Variants in NIBAN1 observed in about 807,000 individuals in gnomAD.
The protein encoded by NIBAN1 is protein Niban 1.
In NIBAN1, 81 loss-of-function variants were observed where a neutral mutation model predicts 75.1. The observed-to-expected ratio is 1.08, with a 90% CI of 0.90 to 1.30. NIBAN1 has a LOEUF of 1.30. NIBAN1 is among the 50% of genes most tolerant of loss of function. The probability of loss-of-function intolerance (pLI) is 0.00; values close to 1 mark genes in which losing one functional copy is unlikely to be tolerated. For missense variants in NIBAN1, 1,133 were observed against 1,128.1 expected (o/e 1.00, Z -0.06); for synonymous variants, 436 against 424.8 (o/e 1.03, Z -0.32).
At chr1:184,891,144 A>G (rs1656657206) in intron 3 of NIBAN1, among the ~76,000 whole-genome samples, 1 of 152,046 alleles carries the variant, frequency 6.6e-6, no homozygotes, top group Non-Finnish European at 1.5e-5. Flanking sequence ...AATGAAACAA[A>G]CTCTCAGATA....
chr1:184,934,860 A>C (rs1657914165), intron 1 of NIBAN1, among the ~76,000 whole-genome samples: 1 of 152,044 alleles, frequency 6.6e-6, no homozygotes, highest in African/African-American at 2.4e-5. Context: ...ATGCCACTGC[A>C]CTCCAGCATG....
intron 5 of NIBAN1, among the ~76,000 whole-genome samples, chr1:184,859,218 G>A (rs371260484): frequency 6.6e-5 from 10 of 151,900 alleles, no homozygotes; most frequent in East Asian, 5.8e-4. Context: ...ATATATATGA[G>A]GTTTTAAAAT....
chr1:184,807,447 T>G (rs1383209677), intron 10 of NIBAN1, among the ~76,000 whole-genome samples: 1 of 152,170 alleles, frequency 6.6e-6, no homozygotes, highest in Non-Finnish European at 1.5e-5. Context: ...CAATCCTGGC[T>G]GCATATTAGA....
At chr1:184,918,281 C>T (rs1001359596) in intron 1 of NIBAN1, among the ~76,000 whole-genome samples, 9 of 152,146 alleles carry the variant, frequency 5.9e-5, no homozygotes, top group South Asian at 4.1e-4. Flanking sequence ...TTCAGGCCCT[C>T]GTCTCTTACA....
chr1:184,964,106 A>C (rs1350911233), intron 1 of NIBAN1, among the ~76,000 whole-genome samples: 2 of 151,956 alleles, frequency 1.3e-5, no homozygotes, highest in African/African-American at 4.8e-5. Flanking sequence ...ATTTCCAGTC[A>C]ATGAGTTCAG....
intron 1 of NIBAN1, among the ~76,000 whole-genome samples, chr1:184,932,801 G>C (rs1226469187): frequency 3.3e-5 from 5 of 152,130 alleles, no homozygotes; most frequent in African/African-American, 1.2e-4. Context: ...CATAAGCAAA[G>C]AAAAAACTAT....
intron 5 of NIBAN1, among the ~76,000 whole-genome samples, chr1:184,833,355 CA>C (rs1655048587): frequency 6.6e-6 from 1 of 151,028 alleles, no homozygotes; most frequent in Admixed American, 6.6e-5. Context: ...AGAGTTCAAG[CA>C]AAACTATTCA....
At chr1:184,884,023 T>C (rs879410550) in intron 5 of NIBAN1, among the ~76,000 whole-genome samples, 1 of 152,042 alleles carries the variant, frequency 6.6e-6, no homozygotes, top group Admixed American at 6.6e-5. Flanking sequence ...TGCAAAATGG[T>C]CTACATGAAT....
Position 184,863,376 on chromosome 1 carries a change from A to G in NIBAN1, c.601+21257T>C, listed in dbSNP as rs140554452. ...ATGTTGTTTCTTCTAATACAATAAAAATGCAACGGTGTCTTCAGAAGATGC... is the reference window on the plus strand; with the variant it reads ...ATGTTGTTTCTTCTAATACAATAAAGATGCAACGGTGTCTTCAGAAGATGC... On this transcript the variant is annotated intron_variant, in intron 5 of 13. Transcript: ENST00000367511. 7.8e-3 allele frequency among the ~76,000 whole-genome samples: 1,194 copies of G among 152,350 alleles called. 13 individuals carry two copies. The highest frequency in any genetic ancestry group is 0.027 in the African/African-American group (1,129 of 41,586).
rs947595629 is a variant in NIBAN1, at chr1:184,792,263, T to C, written c.*2714A>G. 1 of 152,194 alleles carries C rather than the reference T, an allele frequency of 6.6e-6. No individual in the cohort carries two copies. The highest frequency in any genetic ancestry group is 1.5e-5 in the Non-Finnish European group (1 of 68,050). 9.4% of individuals were successfully genotyped at this position (152,194 alleles called of 1,614,324 possible). ...GCCCAAAAACTTGTCTTTAGTGAAA[T>C]ATGTACAGAAAATTCTTTGATTATA... is the stretch of plus-strand genomic sequence containing the variant. On this transcript the variant is annotated 3_prime_UTR_variant, in exon 14 of 14. Transcript: ENST00000367511.
At chr1:184,881,033 C>A (rs140697332) in intron 5 of NIBAN1, among the ~76,000 whole-genome samples, 15 of 152,124 alleles carry the variant, frequency 9.9e-5, no homozygotes, top group Admixed American at 3.3e-4. Flanking sequence ...TTTTCTTATG[C>A]CTGCCCAATG....
chr1:184,795,956 G>T lies in NIBAN1; in HGVS notation c.1808C>A (p.Ala603Asp). The change falls in exon 14 of 14, where the codon GCC becomes GAC. Residue 603 changes from alanine (A) to aspartate (D), a missense_variant. Coordinates refer to ENST00000367511, the MANE Select transcript of NIBAN1 (RefSeq NM_052966.4). ...NQASPARRAS[A>D]ILPGVLGSET... is the part of the protein sequence containing the mutation. ...ACTACCCAGAACTCCTGGCAGAATG[G>T]CAGAAGCTCTCCTGGCAGGGCTGGC... is the stretch of plus-strand genomic sequence containing the variant. The T allele has an allele frequency of 1.2e-6, 2 of 1,614,170 alleles. No homozygotes were observed. The highest frequency in any genetic ancestry group is 8.5e-7 in the Non-Finnish European group (1 of 1,180,022).
chr1:184,910,696 G>A (rs569204646), intron 1 of NIBAN1, among the ~76,000 whole-genome samples: 6 of 152,280 alleles, frequency 3.9e-5, no homozygotes, highest in African/African-American at 1.4e-4. Flanking sequence ...TGAGCCATGG[G>A]ATGCCAAGAC....
intron 1 of NIBAN1, among the ~76,000 whole-genome samples, chr1:184,965,395 T>C (rs1658756269): frequency 6.6e-6 from 1 of 152,206 alleles, no homozygotes. Flanking sequence ...GGTGTATATG[T>C]ACCACATTTT....
At chr1:184,873,774 A>C (rs754761245) in intron 5 of NIBAN1, among the ~76,000 whole-genome samples, 2 of 152,202 alleles carry the variant, frequency 1.3e-5, no homozygotes, top group Non-Finnish European at 2.9e-5. Context: ...TTTGCCATGT[A>C]AATAATGACA....
chr1:184,932,477 C>T (rs898560242), intron 1 of NIBAN1, among the ~76,000 whole-genome samples: 6 of 152,116 alleles, frequency 3.9e-5, no homozygotes, highest in Non-Finnish European at 5.9e-5. Flanking sequence ...TCTAATGCTG[C>T]CGCTGACCTG....
intron 1 of NIBAN1, among the ~76,000 whole-genome samples, chr1:184,945,777 A>G (rs1380447645): frequency 2.6e-5 from 4 of 152,338 alleles, no homozygotes; most frequent in Admixed American, 2.0e-4. Flanking sequence ...AAATATGACA[A>G]GAAAGCATGG....
At chr1:184,825,085 C>T (rs999396503) in intron 6 of NIBAN1, among the ~76,000 whole-genome samples, 1 of 152,120 alleles carries the variant, frequency 6.6e-6, no homozygotes, top group African/African-American at 2.4e-5. Context: ...TTCCAGTGAC[C>T]CCTATTGAGA....
chr1:184,905,442 C>T (rs1174744760), intron 1 of NIBAN1, among the ~76,000 whole-genome samples: 2 of 152,110 alleles, frequency 1.3e-5, no homozygotes, highest in South Asian at 2.1e-4. Context: ...AAAAAAAAAT[C>T]TTCAATGTTT....
Sources: allele counts gnomAD v4.1 joint callset (sites outside exome capture counted in the v4.1 genomes callset), GRCh38; gene constraint gnomAD v4.1.1; transcripts MANE v1.5; gene names NCBI Gene and HGNC (gene_info 2026-07-23, HGNC 2026-07-21).